CRTAP: variants seen among roughly 807,000 people sequenced by gnomAD.
The protein encoded by CRTAP is cartilage associated protein.
Under a neutral mutation model 42.7 loss-of-function variants are expected in CRTAP, and 33 were observed. The ratio of observed to expected loss-of-function variants is 0.77; its 90% CI spans 0.59 to 1.03. The LOEUF (loss-of-function observed/expected upper bound fraction) is 1.03, where lower values mean the gene tolerates loss of function less well. Ranked by LOEUF, CRTAP falls within the 50% of genes least tolerant of loss-of-function variation. CRTAP has a pLI of 0.00. For missense variants in CRTAP, 613 were observed against 533.9 expected (o/e 1.15, Z -1.46); for synonymous variants, 243 against 217.7 (o/e 1.12, Z -1.02).
At chr3:33,118,588 G>A (rs1413097062) in intron 1 of CRTAP, among the ~76,000 whole-genome samples, 6 of 152,232 alleles carry the variant, frequency 3.9e-5, no homozygotes, top group Non-Finnish European at 8.8e-5. Context: ...GCCATCCTAT[G>A]ACTCTTAGAA....
intron 2 of CRTAP, 46 bp downstream of exon 2, chr3:33,120,539 T>A: frequency 1.9e-6 from 3 of 1,561,616 alleles, no homozygotes; most frequent in Non-Finnish European, 2.6e-6. Context: ...CCTGGACTGT[T>A]AAAGAAATGT....
intron 1 of CRTAP, among the ~76,000 whole-genome samples, chr3:33,118,225 C>T (rs1701369428): frequency 6.6e-6 from 1 of 151,112 alleles, no homozygotes; most frequent in Non-Finnish European, 1.5e-5. Flanking sequence ...TCCTAAAGTG[C>T]TGGGATTACA....
intron 1 of CRTAP, among the ~76,000 whole-genome samples, chr3:33,118,794 G>T (rs1344563472): frequency 2.6e-5 from 4 of 152,192 alleles, no homozygotes; most frequent in African/African-American, 9.7e-5. Context: ...CTCACAGGGA[G>T]GCCTCTGCAT....
rs748431852 is a variant in CRTAP at position 33,114,171 on chromosome 3, A to G, written c.94A>G (p.Ser32Gly). The change falls in exon 1 of 7, where the codon AGC (serine) becomes GGC (glycine). Residue 32 changes from serine (S) to glycine (G), a missense_variant. Transcript: ENST00000320954. ...RAGRAQYERY[S>G]FRSFPRDELM... ...CGGGCGCGCCCAATACGAACGCTAC[A>G]GCTTCCGCAGCTTCCCACGGGACGA... 6.9e-6 allele frequency: 11 copies of G among 1,590,558 alleles called. No homozygotes were observed. The highest frequency in any genetic ancestry group is 1.7e-4 in the Middle Eastern group (1 of 5,904).
At chr3:33,119,981 A>G (rs1395806837) in intron 1 of CRTAP, among the ~76,000 whole-genome samples, 1 of 152,112 alleles carries the variant, frequency 6.6e-6, no homozygotes, top group Non-Finnish European at 1.5e-5. Context: ...AAATAACATG[A>G]CCTTACTCTC....
intron 1 of CRTAP, among the ~76,000 whole-genome samples, chr3:33,120,136 G>A (rs1308086993): frequency 6.6e-6 from 1 of 152,186 alleles, no homozygotes; most frequent in African/African-American, 2.4e-5. Flanking sequence ...AAGGCAGACC[G>A]AGGCCATCCA....
At position 33,119,498 on chromosome 3, in the gene CRTAP, A is replaced by AT. The variant is rs5847773; in HGVS notation, c.472-837dup. Among the ~76,000 whole-genome samples, 7,632 of 151,266 alleles carry AT rather than the reference A, an allele frequency of 0.05. 558 individuals are homozygous for AT. The highest frequency in any genetic ancestry group is 0.16 in the African/African-American group (6,734 of 41,200). ...GAATATATGGTCCATGCAGGTGGGG[A>AT]TTTTTTTTTCCTGTTTTGCTTATTG... On this transcript the variant is annotated intron_variant, in intron 1 of 6. Coordinates refer to ENST00000320954, the MANE Select transcript of CRTAP (RefSeq NM_006371.5).
rs58820155 is a variant in CRTAP at position 33,122,709 on chromosome 3, C to CAAA, written c.622-1678_622-1676dup. Among the ~76,000 whole-genome samples, 123 of 87,428 alleles carry CAAA rather than the reference C, an allele frequency of 1.4e-3. 3 individuals are homozygous for CAAA. In the South Asian group the frequency reaches 0.031, roughly 22 times the overall value. The allele number at this position is 87,428 out of a possible 152,430, so 57.4% of individuals were successfully genotyped here. On this transcript the variant is annotated intron_variant, in intron 2 of 6. Coordinates refer to ENST00000320954, the MANE Select transcript of CRTAP (RefSeq NM_006371.5). ...TGGGCAACAGAGCAAGACTCTGTCTCAAAAAAAAAAAAAAAAAAAAAAAGA... is the reference window on the plus strand; with the variant it reads ...TGGGCAACAGAGCAAGACTCTGTCTCAAAAAAAAAAAAAAAAAAAAAAAAAAGA...
chr3:33,146,204 A>C lies in CRTAP; in HGVS notation c.*3756A>C, dbSNP rs995758485. On this transcript the variant is annotated 3_prime_UTR_variant, in exon 7 of 7. Coordinates refer to ENST00000320954, the MANE Select transcript of CRTAP (RefSeq NM_006371.5). ...CAGCCTCAAGTCTGGCCCGTCTTCG[A>C]AAAAACAAACACATTTGTAAGCTTT... 2.6e-5 allele frequency: 4 copies of C among 152,244 alleles called. No individual in the cohort carries two copies. Among genetic ancestry groups the C allele is most frequent in the African/African-American group, 9.7e-5 (4 of 41,426 alleles). The allele number at this position is 152,244 out of a possible 1,614,324, so 9.4% of individuals were successfully genotyped here.
intron 3 of CRTAP, among the ~76,000 whole-genome samples, chr3:33,125,777 A>G (rs980664542): frequency 6.6e-6 from 1 of 152,120 alleles, no homozygotes; most frequent in African/African-American, 2.4e-5. Flanking sequence ...ACACCAAACT[A>G]TTACCCCTGT....
At chr3:33,131,143 A>G (rs1260653276) in intron 4 of CRTAP, among the ~76,000 whole-genome samples, 1 of 151,988 alleles carries the variant, frequency 6.6e-6, no homozygotes, top group African/African-American at 2.4e-5. Context: ...GCTAGAATAG[A>G]TCCCCTGGGT....
Position 33,120,285 on chromosome 3 carries a change from T to C in CRTAP, c.472-59T>C, listed in dbSNP as rs1001585309. The C allele has an allele frequency of 4.8e-6, 7 of 1,459,006 alleles. No homozygotes were observed. The Admixed American group carries it at 6.7e-5, about 14-fold the overall frequency. 90.4% of individuals were successfully genotyped at this position (1,459,006 alleles called of 1,614,324 possible). A position where few individuals can be genotyped will look rare whatever the true frequency, so the allele number is the denominator to read the frequency against. ...TGAAGGACTAAGCAGATATTCTTGTTTTACAAAAATTACCACTTAGCATCC... is the reference window on the plus strand; with the variant it reads ...TGAAGGACTAAGCAGATATTCTTGTCTTACAAAAATTACCACTTAGCATCC... On this transcript the variant is annotated intron_variant, in intron 1 of 6. Coordinates refer to ENST00000320954, the MANE Select transcript of CRTAP (RefSeq NM_006371.5).
Position 33,114,051 on chromosome 3 carries a change from C to CTTCT in CRTAP, c.-24_-23insTTTC. Reference sequence around the variant, plus strand: ...CCTCCCCTTTTCCCTTCCTTCGTCCCTTCCTTCCTTCCTTTCGCCGGGCGC... The same window carrying CTTCT: ...CCTCCCCTTTTCCCTTCCTTCGTCCCTTCTTTCCTTCCTTCCTTTCGCCGGGCGC... On this transcript the variant is annotated 5_prime_UTR_variant, in exon 1 of 7. Transcript: ENST00000320954. The CTTCT allele has an allele frequency of 7.4e-7, 1 of 1,356,646 alleles. No individual in the cohort carries two copies. The highest frequency in any genetic ancestry group is 1.4e-5 in the South Asian group (1 of 69,158). The allele number at this position is 1,356,646 out of a possible 1,614,324, so 84.0% of individuals were successfully genotyped here. A position where few individuals can be genotyped will look rare whatever the true frequency, so the allele number is the denominator to read the frequency against.
At chr3:33,118,559 C>T (rs865799533) in intron 1 of CRTAP, among the ~76,000 whole-genome samples, 1 of 152,248 alleles carries the variant, frequency 6.6e-6, no homozygotes, top group Non-Finnish European at 1.5e-5. Flanking sequence ...AATTCTGGGG[C>T]AATTCGGTAC....
At chr3:33,130,511 C>CTTTCT (rs1575518170) in intron 4 of CRTAP, among the ~76,000 whole-genome samples, 72 of 126,972 alleles carry the variant, frequency 5.7e-4, no homozygotes, top group South Asian at 1.3e-3. Flanking sequence ...TTTTTTCTTT[C>CTTTCT]TTTCTTTTCT....
intron 1 of CRTAP, among the ~76,000 whole-genome samples, chr3:33,119,632 G>T (rs187613665): frequency 8.8e-4 from 134 of 152,308 alleles, no homozygotes; most frequent in Non-Finnish European, 2.4e-4. Flanking sequence ...GTTAGCAGAA[G>T]GTCTGTGGGG....
intron 4 of CRTAP, among the ~76,000 whole-genome samples, chr3:33,132,086 G>A (rs2030283905): frequency 6.6e-6 from 1 of 152,076 alleles, no homozygotes; most frequent in South Asian, 2.1e-4. Flanking sequence ...CCAACCCAGA[G>A]GCTCCACCAT....
chr3:33,120,062 C>T (rs1701398716), intron 1 of CRTAP, among the ~76,000 whole-genome samples: 2 of 152,156 alleles, frequency 1.3e-5, no homozygotes, highest in Non-Finnish European at 2.9e-5. Flanking sequence ...GCGAGGGAGT[C>T]TGTTGTTATA....
In CRTAP at chr3:33,114,291, C is replaced by A; in HGVS notation, c.214C>A (p.Arg72=). ...ESVGYLEISL[R]LHRLLRDSEA... Reference sequence around the variant, plus strand: ...CGTGGGCTACCTGGAGATCAGCCTGCGGCTGCACCGCTTGCTGCGCGACAG... The same window carrying A: ...CGTGGGCTACCTGGAGATCAGCCTGAGGCTGCACCGCTTGCTGCGCGACAG... Residue 72 remains arginine (R), a synonymous_variant, in exon 1 of 7, where the codon CGG becomes AGG. Transcript: ENST00000320954. 1 of 1,568,914 alleles carries A rather than the reference C, an allele frequency of 6.4e-7. No individual in the cohort carries two copies. The highest frequency in any genetic ancestry group is 2.4e-5 in the East Asian group (1 of 42,182).
Sources: gnomAD v4.1 joint callset for allele counts (sites outside exome capture counted in the v4.1 genomes callset) on GRCh38, gnomAD v4.1.1 for gene constraint, MANE v1.5 for transcripts, NCBI Gene and HGNC (gene_info 2026-07-23, HGNC 2026-07-21) for gene names.